THBS4: variants seen among roughly 807,000 people sequenced by gnomAD.
THBS4 encodes thrombospondin 4.
In THBS4, 90 loss-of-function variants were observed where a neutral mutation model predicts 115.7. The observed-to-expected ratio is 0.78, with a 90% CI of 0.66 to 0.93. The LOEUF (loss-of-function observed/expected upper bound fraction) is 0.93. Ranked by LOEUF, THBS4 falls within the 40% of genes least tolerant of loss-of-function variation. The pLI is 0.00. For synonymous variants in THBS4, 460 were observed against 479.3 expected, an observed-to-expected ratio of 0.96 and a Z score of 0.53; for missense variants, 1,087 against 1,232.7, an observed-to-expected ratio of 0.88 and a Z score of 1.77.
At chr5:80,043,647 C>T (rs1832973647) in intron 2 of THBS4, among the ~76,000 whole-genome samples, 1 of 152,176 alleles carries the variant, frequency 6.6e-6, no homozygotes, top group Non-Finnish European at 1.5e-5. Context: ...AGAATTTGGT[C>T]ATCTGGGCCT....
intron 2 of THBS4, among the ~76,000 whole-genome samples, chr5:80,029,862 C>T (rs1008423652): frequency 2.0e-5 from 3 of 151,500 alleles, no homozygotes; most frequent in Non-Finnish European, 4.4e-5. Context: ...CCCAGCTACT[C>T]GGGAGGCTGA....
Position 80,039,965 on chromosome 5 carries a change from T to C in THBS4, c.89-112T>C, listed in dbSNP as rs967088635. 14 of 921,176 alleles carry C rather than the reference T, an allele frequency of 1.5e-5. No individual in the cohort carries two copies. The African/African-American group carries it at 2.0e-4, about 13-fold the overall frequency. 57.1% of individuals were successfully genotyped at this position (921,176 alleles called of 1,614,324 possible). ...TACGGAAAAGGGATTACAAGATTAG[T>C]TTACATTACTTTGTAGCTTACTGTC... On this transcript the variant is annotated intron_variant, in intron 1 of 21. Transcript: ENST00000350881.
In THBS4 at chr5:80,059,773, C is replaced by T; in HGVS notation, c.855C>T (p.Arg285=). ...VPPAPPAPPT[R]PPRRCDSNPC... The stretch of plus-strand genomic sequence containing the variant: ...CGGCTCCCCCTGCACCGCCAACACG[C>T]CCACCTCGTCGGTGTGACTCCAACC... Residue 285 remains arginine, a synonymous_variant, in exon 7 of 22, where the codon CGC becomes CGT. Coordinates refer to ENST00000350881, the MANE Select transcript of THBS4 (RefSeq NM_003248.6). 1.2e-6 allele frequency: 2 copies of T among 1,614,216 alleles called. No homozygotes were observed. The highest frequency in any genetic ancestry group is 1.7e-6 in the Non-Finnish European group (2 of 1,180,034).
At chr5:80,072,241 C>A in intron 13 of THBS4, 37 bp from the exon 14 acceptor site, 1 of 1,562,246 alleles carries the variant, frequency 6.4e-7, no homozygotes, top group Non-Finnish European at 8.8e-7. Context: ...AAGTCAGTGA[C>A]ATTCCCCTGA....
At chr5:80,043,382 G>A (rs1832964999) in intron 2 of THBS4, among the ~76,000 whole-genome samples, 1 of 152,168 alleles carries the variant, frequency 6.6e-6, no homozygotes, top group Non-Finnish European at 1.5e-5. Flanking sequence ...TGGCCATGCT[G>A]ACTTGACATA....
chr5:79,994,352 C>G (rs1831747351), intron 1 of THBS4, among the ~76,000 whole-genome samples: 1 of 152,180 alleles, frequency 6.6e-6, no homozygotes, highest in Non-Finnish European at 1.5e-5. Flanking sequence ...ACCACTGTGT[C>G]ATACTGCCTC....
intron 10 of THBS4, among the ~76,000 whole-genome samples, chr5:80,068,961 C>T (rs1006534377): frequency 2.6e-5 from 4 of 152,182 alleles, no homozygotes; most frequent in African/African-American, 7.2e-5. Flanking sequence ...CCATCCATTC[C>T]CAAGTCCAAG....
rs1170505895 is a variant in THBS4 at position 80,058,323 on chromosome 5, T to A, written c.649+9T>A. On this transcript the variant is annotated intron_variant, in intron 4 of 21. Transcript: ENST00000350881. ...GGCTGCCACAGGCACAGGTGTGGGC[T>A]CTTGGGCAGTTTGCATGCCTTCATC... 1.3e-6 allele frequency: 2 copies of A among 1,550,808 alleles called. No individual in the cohort carries two copies. The highest frequency in any genetic ancestry group is 2.4e-5 in the South Asian group (2 of 84,236).
intron 2 of THBS4, among the ~76,000 whole-genome samples, chr5:80,049,439 T>C (rs977369548): frequency 1.3e-5 from 2 of 152,262 alleles, no homozygotes; most frequent in East Asian, 1.9e-4. Context: ...GTTGTTATCC[T>C]TAGTAGAGAT....
chr5:80,056,055 C>G (rs1234742018), intron 3 of THBS4, 23 bp downstream of exon 3: 2 of 1,573,310 alleles, frequency 1.3e-6, no homozygotes, highest in Non-Finnish European at 1.7e-6. Context: ...AAACCATTCT[C>G]TGAAGTGGAA....
chr5:80,081,608 T>G (rs1743509823), intron 20 of THBS4, among the ~76,000 whole-genome samples: 2 of 152,150 alleles, frequency 1.3e-5, no homozygotes, highest in African/African-American at 4.8e-5. Context: ...GCAATGTAAA[T>G]TTCTCAAATG....
chr5:80,040,043 T>G, intron 1 of THBS4, 34 bp from the exon 2 acceptor site: 1 of 1,598,792 alleles, frequency 6.3e-7, no homozygotes, highest in Non-Finnish European at 8.6e-7. Flanking sequence ...AATTGAATCT[T>G]TCACTTATAC....
chr5:80,038,697 A>C (rs562862310), intron 1 of THBS4, among the ~76,000 whole-genome samples: 2 of 152,300 alleles, frequency 1.3e-5, no homozygotes, highest in Admixed American at 1.3e-4. Context: ...TAGAATTACC[A>C]CTAGTGTCTA....
rs757324317 is a variant in THBS4 at position 80,070,626 on chromosome 5, T to C, written c.1453-17T>C. 1 of 1,610,498 alleles carries C rather than the reference T, an allele frequency of 6.2e-7. No individual in the cohort carries two copies. Among genetic ancestry groups the C allele is most frequent in the Non-Finnish European group, 8.5e-7 (1 of 1,176,750 alleles). On this transcript the variant is annotated splice_polypyrimidine_tract_variant and intron_variant, in intron 11 of 21. Transcript: ENST00000350881. Reference sequence around the variant, plus strand: ...ACAAATGTAGGATGTCACTCGGAACTGCATTTTCCCCCTAAGGACAACTGC... The same window carrying C: ...ACAAATGTAGGATGTCACTCGGAACCGCATTTTCCCCCTAAGGACAACTGC...
intron 20 of THBS4, among the ~76,000 whole-genome samples, chr5:80,081,309 C>T (rs1379990092): frequency 2.0e-5 from 3 of 152,176 alleles, no homozygotes; most frequent in Admixed American, 6.5e-5. Flanking sequence ...GCCCAATGCC[C>T]CTTTTTTATT....
chr5:80,062,610 G>A (rs17880038), intron 8 of THBS4, among the ~76,000 whole-genome samples: 1,959 of 152,216 alleles, frequency 0.013, 45 homozygotes, highest in African/African-American at 0.045. Context: ...ATGTATACAT[G>A]TGCCATACTG....
intron 2 of THBS4, among the ~76,000 whole-genome samples, chr5:80,025,064 A>C (rs1832448682): frequency 6.6e-6 from 1 of 152,170 alleles, no homozygotes; most frequent in African/African-American, 2.4e-5. Flanking sequence ...TATGGCACTC[A>C]TCTGTCCCAC....
chr5:80,025,657 A>G (rs771423367), intron 2 of THBS4, among the ~76,000 whole-genome samples: 1 of 152,168 alleles, frequency 6.6e-6, no homozygotes, highest in Non-Finnish European at 1.5e-5. Context: ...TCTTCCTGAT[A>G]GGTGCTTTAA....
At position 80,024,121 on chromosome 5, in the gene THBS4, A is replaced by G. The variant is rs144106617; in HGVS notation, n.178-15956A>G. 5.4e-3 allele frequency among the ~76,000 whole-genome samples: 828 copies of G among 152,312 alleles called. 7 individuals carry two copies. Among genetic ancestry groups the G allele is most frequent in the African/African-American group, 0.019 (790 of 41,572 alleles). On this transcript the variant is annotated intron_variant and non_coding_transcript_variant, in intron 2 of 3. Transcript: ENST00000510218. Reference sequence around the variant, plus strand: ...GTGCCAGGCACTGGGTTAAGTGTTTATATTCATCCTCCAACTAAGAACAGT... The same window carrying G: ...GTGCCAGGCACTGGGTTAAGTGTTTGTATTCATCCTCCAACTAAGAACAGT...
Sources: gnomAD v4.1 joint callset for allele counts (sites outside exome capture counted in the v4.1 genomes callset) on GRCh38, gnomAD v4.1.1 for gene constraint, MANE v1.5 for transcripts, NCBI Gene and HGNC (gene_info 2026-07-23, HGNC 2026-07-21) for gene names.